PSD3: variants seen among roughly 807,000 people sequenced by gnomAD.
The protein encoded by PSD3 is pleckstrin and Sec7 domain containing 3, also known as PH and SEC7 domain-containing protein 3.
In PSD3, 49 loss-of-function variants were observed where a neutral mutation model predicts 105.5. That is an observed-to-expected ratio of 0.46 (90% CI 0.37 to 0.59). The LOEUF (loss-of-function observed/expected upper bound fraction) is 0.59. Among genes scored for constraint, PSD3 ranks in the 20% least tolerant of loss-of-function variants. The probability of loss-of-function intolerance (pLI) is 0.00; values close to 1 mark genes in which losing one functional copy is unlikely to be tolerated. For missense variants in PSD3, 1,561 were observed against 1,263.8 expected, an observed-to-expected ratio of 1.24 and a Z score of -3.57; for synonymous variants, 557 against 457.8, an observed-to-expected ratio of 1.22 and a Z score of -2.77.
At position 18,607,683 on chromosome 8, in the gene PSD3, C is replaced by CAAAAAAAA. The variant is rs755375836; in HGVS notation, c.2411-7257_2411-7250dup. 1.7e-4 allele frequency among the ~76,000 whole-genome samples: 14 copies of CAAAAAAAA among 81,300 alleles called. 2 individuals carry two copies. Among genetic ancestry groups the CAAAAAAAA allele is most frequent in the South Asian group, 4.3e-4 (1 of 2,300 alleles). The allele number at this position is 81,300 out of a possible 152,430, so 53.3% of individuals were successfully genotyped here. ...AGCATATAACAAGACTCCACTGCTA[C>CAAAAAAAA]AAAAAAAAAAAACAAAACAAAAAAA... On this transcript the variant is annotated intron_variant, in intron 11 of 15. Transcript: ENST00000327040.
chr8:18,784,676 G>C (rs1363364430), intron 8 of PSD3, among the ~76,000 whole-genome samples: 1 of 152,132 alleles, frequency 6.6e-6, no homozygotes, highest in East Asian at 1.9e-4. Flanking sequence ...TAATATCAAA[G>C]ATATTGCAAA....
chr8:18,537,803 A>G (rs905247821), intron 15 of PSD3, among the ~76,000 whole-genome samples: 1 of 152,016 alleles, frequency 6.6e-6, no homozygotes, highest in Non-Finnish European at 1.5e-5. Flanking sequence ...CAGCCTCCCA[A>G]GTGTCTAGGA....
rs1563292307 is a variant in PSD3 at position 18,532,059 on chromosome 8, TAA to T, written c.*3682_*3683del. The T allele has an allele frequency of 6.6e-6, 1 of 152,204 alleles. No individual in the cohort carries two copies. The highest frequency in any genetic ancestry group is 1.5e-5 in the Non-Finnish European group (1 of 68,032). The allele number at this position is 152,204 out of a possible 1,614,324, so 9.4% of individuals were successfully genotyped here. On this transcript the variant is annotated 3_prime_UTR_variant, in exon 16 of 16. Coordinates refer to ENST00000327040, the MANE Select transcript of PSD3 (RefSeq NM_015310.4). Reference sequence around the variant, plus strand: ...AATGAAACCCAAAAGGTTTTGTTAGTAAGACAATGGAGAAACTTCTTTAACGT... The same window carrying T: ...AATGAAACCCAAAAGGTTTTGTTAGTGACAATGGAGAAACTTCTTTAACGT...
chr8:18,924,101 C>G (rs1821208693), intron 2 of PSD3, among the ~76,000 whole-genome samples: 1 of 152,120 alleles, frequency 6.6e-6, no homozygotes, highest in African/African-American at 2.4e-5. Flanking sequence ...TACCAGCATA[C>G]AGCCCATTCT....
chr8:18,639,169 T>G (rs10108394), intron 10 of PSD3, among the ~76,000 whole-genome samples: 2,493 of 152,344 alleles, frequency 0.016, 71 homozygotes, highest in African/African-American at 0.056. Flanking sequence ...GTAATTGGGC[T>G]GCTTCCTAAG....
chr8:18,959,433 A>G (rs1178796939), intron 1 of PSD3, among the ~76,000 whole-genome samples: 1 of 151,984 alleles, frequency 6.6e-6, no homozygotes, highest in Non-Finnish European at 1.5e-5. Context: ...GCATTTTAAA[A>G]CCTTCAGCGG....
At chr8:18,643,039 T>G (rs896084451) in intron 10 of PSD3, among the ~76,000 whole-genome samples, 1 of 152,220 alleles carries the variant, frequency 6.6e-6, no homozygotes, top group Admixed American at 6.5e-5. Flanking sequence ...TAGTCCATTT[T>G]GTGTTGCTAA....
chr8:18,891,359 C>T (rs1337629203), intron 2 of PSD3, among the ~76,000 whole-genome samples: 1 of 152,106 alleles, frequency 6.6e-6, no homozygotes, highest in Non-Finnish European at 1.5e-5. Context: ...TTTTCGTTCG[C>T]TTCCACTTCA....
chr8:18,605,106 T>A (rs1804721391), intron 11 of PSD3, among the ~76,000 whole-genome samples: 1 of 152,080 alleles, frequency 6.6e-6, no homozygotes, highest in African/African-American at 2.4e-5. Context: ...AGGGCCATTG[T>A]CCTCCAGACC....
intron 2 of PSD3, among the ~76,000 whole-genome samples, chr8:18,931,310 T>C (rs1821734595): frequency 6.6e-6 from 1 of 152,084 alleles, no homozygotes; most frequent in South Asian, 2.1e-4. Context: ...TGTATCTACA[T>C]ATGATTCACT....
Position 18,560,175 on chromosome 8 carries a change from TACACACACAC to T in PSD3, c.2785-3833_2785-3824del, listed in dbSNP as rs5889808. On this transcript the variant is annotated intron_variant, in intron 14 of 15. Coordinates refer to ENST00000327040, the MANE Select transcript of PSD3 (RefSeq NM_015310.4). Reference sequence around the variant, plus strand: ...CCCATGATAAGAAAGATACACATTTTACACACACACACACACACACACACACACACACACA... The same window carrying T: ...CCCATGATAAGAAAGATACACATTTTACACACACACACACACACACACACA... Among the ~76,000 whole-genome samples the T allele has an allele frequency of 1.5e-3, 214 of 143,444 alleles. 1 individual carries two copies. The highest frequency in any genetic ancestry group is 2.2e-3 in the Non-Finnish European group (146 of 65,798). The allele number at this position is 143,444 out of a possible 152,430, so 94.1% of individuals were successfully genotyped here. A position where few individuals can be genotyped will look rare whatever the true frequency, so the allele number is the denominator to read the frequency against.
chr8:18,924,112 A>G (rs1467669089), intron 2 of PSD3, among the ~76,000 whole-genome samples: 3 of 152,160 alleles, frequency 2.0e-5, no homozygotes, highest in Non-Finnish European at 4.4e-5. Context: ...AGCCCATTCT[A>G]CAGATACGTG....
At chr8:18,892,620 A>G (rs1017579695) in intron 2 of PSD3, among the ~76,000 whole-genome samples, 6 of 145,936 alleles carry the variant, frequency 4.1e-5, no homozygotes, top group African/African-American at 1.5e-4. Context: ...ATATTATCCT[A>G]ATTTTCTTTT....
At chr8:18,687,909 A>C (rs1585622788) in intron 9 of PSD3, among the ~76,000 whole-genome samples, 1 of 152,030 alleles carries the variant, frequency 6.6e-6, no homozygotes, top group African/African-American at 2.4e-5. Context: ...CTGGGATTAC[A>C]GGCACCTGCC....
intron 9 of PSD3, among the ~76,000 whole-genome samples, chr8:18,698,044 G>A (rs574399026): frequency 6.6e-6 from 1 of 151,900 alleles, no homozygotes; most frequent in East Asian, 1.9e-4. Flanking sequence ...ATAAGTTAAC[G>A]AACTTAAGGA....
rs990115041 is a variant in PSD3 at position 18,664,967 on chromosome 8, A to T, written c.2173-9282T>A. ...TGTCGAGACCTATTGCTCAGAAAAA[A>T]GGATTCCTTTCAAAATGTTACTGGT... On this transcript the variant is annotated intron_variant, in intron 9 of 15. Transcript: ENST00000327040. Among the ~76,000 whole-genome samples the T allele has an allele frequency of 3.9e-5, 6 of 152,202 alleles. No individual in the cohort carries two copies. The East Asian group carries it at 1.2e-3, about 29-fold the overall frequency.
chr8:19,049,289 G>A (rs533686115), intron 1 of PSD3, among the ~76,000 whole-genome samples: 4 of 152,232 alleles, frequency 2.6e-5, no homozygotes, highest in African/African-American at 9.6e-5. Context: ...TCCCATCGTC[G>A]TAGTCCTACA....
intron 10 of PSD3, among the ~76,000 whole-genome samples, chr8:18,634,079 G>C (rs1417129415): frequency 2.0e-5 from 3 of 151,988 alleles, no homozygotes; most frequent in Non-Finnish European, 4.4e-5. Context: ...AGAACAGTCT[G>C]CTCATGTCCT....
intron 1 of PSD3, among the ~76,000 whole-genome samples, chr8:18,959,430 A>C (rs1586528191): frequency 6.6e-6 from 1 of 152,182 alleles, no homozygotes; most frequent in Admixed American, 6.5e-5. Flanking sequence ...ACAGCATTTT[A>C]AAACCTTCAG....
Sources: allele counts gnomAD v4.1 joint callset (sites outside exome capture counted in the v4.1 genomes callset), GRCh38; gene constraint gnomAD v4.1.1; transcripts MANE v1.5; gene names NCBI Gene and HGNC (gene_info 2026-07-23, HGNC 2026-07-21).